PDXP: variants seen among roughly 807,000 people sequenced by gnomAD.
PDXP encodes pyridoxal phosphatase, also known as chronophin.
A neutral mutation model predicts 14.4 loss-of-function variants in PDXP; 15 were observed. The ratio of observed to expected loss-of-function variants is 1.04; its 90% confidence interval spans 0.70 to 1.60. The LOEUF (loss-of-function observed/expected upper bound fraction) is 1.60. Among genes scored for constraint, PDXP ranks in the 40% most tolerant of loss-of-function variants. PDXP has a pLI of 0.00. For synonymous variants in PDXP, 233 were observed against 205.6 expected, an observed-to-expected ratio of 1.13 and a Z score of -1.14; for missense variants, 413 against 427.6, an observed-to-expected ratio of 0.97 and a Z score of 0.30.
In PDXP at chr22:37,658,791, C is replaced by T. The variant is rs1467930526; in HGVS notation, c.9C>T (p.Arg3=). Residue 3 remains arginine (R), a synonymous_variant, in exon 1 of 2, where the codon CGC becomes CGT. Coordinates refer to ENST00000215904, the MANE Select transcript of PDXP (RefSeq NM_020315.5). The part of the protein sequence containing the change: MA[R]CERLRGAALR... ...GGCGGCCGGCCGGCTGCATGGCGCG[C>T]TGCGAGAGGCTGCGCGGAGCGGCCC... The T allele has an allele frequency of 1.7e-6, 2 of 1,174,094 alleles. No homozygotes were observed. Among genetic ancestry groups the T allele is most frequent in the South Asian group, 4.2e-5 (1 of 23,888 alleles). 72.7% of individuals were successfully genotyped at this position (1,174,094 alleles called of 1,614,324 possible). A position where few individuals can be genotyped will look rare whatever the true frequency, so the allele number is the denominator to read the frequency against.
rs750598426 is a variant in PDXP, at chr22:37,665,552, C to T, written c.575-3C>T. 3 of 1,599,388 alleles carry T rather than the reference C, an allele frequency of 1.9e-6. No individual in the cohort carries two copies. Among genetic ancestry groups the T allele is most frequent in the South Asian group, 1.1e-5 (1 of 90,132 alleles). On this transcript the variant is annotated splice_polypyrimidine_tract_variant and splice_region_variant and intron_variant, in intron 1 of 1. Transcript: ENST00000215904. Reference sequence around the variant, plus strand: ...TGCTGACTGCGTCTCCATCTCCCTACAGGCACCGGGAGCCTGGCCGCTGCA... The same window carrying T: ...TGCTGACTGCGTCTCCATCTCCCTATAGGCACCGGGAGCCTGGCCGCTGCA...
At chr22:37,662,950 T>C (rs535388763) in intron 1 of PDXP, among the ~76,000 whole-genome samples, 287 of 151,506 alleles carry the variant, frequency 1.9e-3, no homozygotes, top group Middle Eastern at 3.4e-3. Flanking sequence ...ATCGCTCCAT[T>C]GCACTCCAGC....
chr22:37,659,233 G>A lies in PDXP; in HGVS notation c.451G>A (p.Asp151Asn). ...CGTGCGCGCCGTGCTTGTGGGCTAC[G>A]ACGAGCACTTCTCCTTCGCCAAGCT... ...PRVRAVLVGY[D>N]EHFSFAKLRE... The change falls in exon 1 of 2, where the codon GAC becomes AAC. Residue 151 changes from aspartate to asparagine, a missense_variant. By Grantham distance (23) the Asp-to-Asn change is conservative (BLOSUM62 1). Coordinates refer to ENST00000215904, the MANE Select transcript of PDXP (RefSeq NM_020315.5). The A allele has an allele frequency of 3.0e-6, 4 of 1,320,404 alleles. 1 individual carries two copies. The highest frequency in any genetic ancestry group is 4.8e-5 in the South Asian group (2 of 41,994). 81.8% of individuals were successfully genotyped at this position (1,320,404 alleles called of 1,614,324 possible). A position where few individuals can be genotyped will look rare whatever the true frequency, so the allele number is the denominator to read the frequency against.
chr22:37,663,873 C>T (rs919428316), intron 1 of PDXP, among the ~76,000 whole-genome samples: 2 of 145,568 alleles, frequency 1.4e-5, no homozygotes, highest in African/African-American at 5.3e-5. Flanking sequence ...CAGGCTGGGC[C>T]TTTTATTTAT....
At position 37,658,733 on chromosome 22, in the gene PDXP, C is replaced by G; in HGVS notation, c.-50C>G. 9.1e-7 allele frequency: 1 copy of G among 1,095,406 alleles called. No individual in the cohort carries two copies. Among genetic ancestry groups the G allele is most frequent in the Non-Finnish European group, 1.1e-6 (1 of 887,240 alleles). The allele number at this position is 1,095,406 out of a possible 1,614,324, so 67.9% of individuals were successfully genotyped here. On this transcript the variant is annotated 5_prime_UTR_variant, in exon 1 of 2. Coordinates refer to ENST00000215904, the MANE Select transcript of PDXP (RefSeq NM_020315.5). ...GTGGAACGTGCCAGGGAGAGCGCGC[C>G]GTGCCCGCGGAGAGAGCGCGGCGCG...
At chr22:37,659,812 G>A (rs923349435) in intron 1 of PDXP, among the ~76,000 whole-genome samples, 9 of 152,212 alleles carry the variant, frequency 5.9e-5, no homozygotes, top group African/African-American at 1.9e-4. Flanking sequence ...TAACCTCCAA[G>A]CATCTCTGCC....
In PDXP at chr22:37,658,768, C is replaced by A; in HGVS notation, c.-15C>A. 7 of 1,160,066 alleles carry A rather than the reference C, an allele frequency of 6.0e-6. No individual in the cohort carries two copies. The highest frequency in any genetic ancestry group is 7.4e-6 in the Non-Finnish European group (7 of 941,632). 71.9% of individuals were successfully genotyped at this position (1,160,066 alleles called of 1,614,324 possible). A position where few individuals can be genotyped will look rare whatever the true frequency, so the allele number is the denominator to read the frequency against. ...GAGAGAGCGCGGCGCGGGAGGCCGG[C>A]GGCCGGCCGGCTGCATGGCGCGCTG... On this transcript the variant is annotated 5_prime_UTR_variant, in exon 1 of 2. Transcript: ENST00000215904.
chr22:37,659,177 A>G lies in PDXP; in HGVS notation c.395A>G (p.Asp132Gly), dbSNP rs1933147776. The G allele has an allele frequency of 9.4e-6, 11 of 1,170,994 alleles. No individual in the cohort carries two copies. The East Asian group carries it at 1.5e-4, about 16-fold the overall frequency. The allele number at this position is 1,170,994 out of a possible 1,614,324, so 72.5% of individuals were successfully genotyped here. The change falls in exon 1 of 2, where the codon GAC becomes GGC. Residue 132 changes from aspartate (D) to glycine (G), a missense_variant. Transcript: ENST00000215904. ...GCCGCGGGGCTGCGCCTGGCCGGGGACCCGAGCGCGGGGGACGGCGCGGCC... is the reference window on the plus strand; with the variant it reads ...GCCGCGGGGCTGCGCCTGGCCGGGGGCCCGAGCGCGGGGGACGGCGCGGCC... ...LRAAGLRLAGDPSAGDGAAPR... is the reference protein window; with the variant it reads ...LRAAGLRLAGGPSAGDGAAPR...
Position 37,666,038 on chromosome 22 carries a change from C to A in PDXP, c.*167C>A. On this transcript the variant is annotated 3_prime_UTR_variant, in exon 2 of 2. Transcript: ENST00000215904. ...GTTTGAGGGCCCTTGCAACCCCCTCCCAGCAGTGGCTGGGCACTCTTTGCT... is the reference window on the plus strand; with the variant it reads ...GTTTGAGGGCCCTTGCAACCCCCTCACAGCAGTGGCTGGGCACTCTTTGCT... 1.5e-6 allele frequency: 1 copy of A among 679,624 alleles called. No individual in the cohort carries two copies. Among genetic ancestry groups the A allele is most frequent in the African/African-American group, 1.8e-5 (1 of 55,226 alleles). 42.1% of individuals were successfully genotyped at this position (679,624 alleles called of 1,614,324 possible). A position where few individuals can be genotyped will look rare whatever the true frequency, so the allele number is the denominator to read the frequency against.
Position 37,666,295 on chromosome 22 carries a change from C to T in PDXP, c.*424C>T, listed in dbSNP as rs1322374861. 7.9e-6 allele frequency: 2 copies of T among 252,490 alleles called. No individual in the cohort carries two copies. The highest frequency in any genetic ancestry group is 1.7e-5 in the Non-Finnish European group (2 of 120,274). 15.6% of individuals were successfully genotyped at this position (252,490 alleles called of 1,614,324 possible). A position where few individuals can be genotyped will look rare whatever the true frequency, so the allele number is the denominator to read the frequency against. ...CAACCAGAGGTCTAGGGAACCACAA[C>T]CCTTATTGTCCTGGGTGGACCAATC... On this transcript the variant is annotated 3_prime_UTR_variant, in exon 2 of 2. Transcript: ENST00000215904.
In PDXP at chr22:37,665,964, G is replaced by A. The variant is rs1031483210; in HGVS notation, c.*93G>A. On this transcript the variant is annotated 3_prime_UTR_variant, in exon 2 of 2. Transcript: ENST00000215904. ...GTCACGAGCCATGTTAAGCACAACC[G>A]GCTCCTTGGTCCAGTTCTGCACCGG... The A allele has an allele frequency of 4.6e-5, 61 of 1,319,634 alleles. 1 individual carries two copies. The highest frequency in any genetic ancestry group is 1.8e-4 in the South Asian group (13 of 72,646). The allele number at this position is 1,319,634 out of a possible 1,614,324, so 81.7% of individuals were successfully genotyped here. A position where few individuals can be genotyped will look rare whatever the true frequency, so the allele number is the denominator to read the frequency against.
In PDXP at chr22:37,665,904, T is replaced by A; in HGVS notation, c.*33T>A. 6.3e-7 allele frequency: 1 copy of A among 1,583,538 alleles called. No individual in the cohort carries two copies. The highest frequency in any genetic ancestry group is 8.6e-7 in the Non-Finnish European group (1 of 1,157,514). ...GCACCTGCAGCCACAGGCCCACCCC[T>A]CCCCACTCCCTGATCCCGTAGGTGG... On this transcript the variant is annotated 3_prime_UTR_variant, in exon 2 of 2. Transcript: ENST00000215904.
Position 37,659,859 on chromosome 22 carries a change from C to T in PDXP, c.574+503C>T, listed in dbSNP as rs372178123. Among the ~76,000 whole-genome samples, 4 of 152,276 alleles carry T rather than the reference C, an allele frequency of 2.6e-5. No individual in the cohort carries two copies. The East Asian group carries it at 7.7e-4, about 29-fold the overall frequency. On this transcript the variant is annotated intron_variant, in intron 1 of 1. Coordinates refer to ENST00000215904, the MANE Select transcript of PDXP (RefSeq NM_020315.5). The stretch of plus-strand genomic sequence containing the variant: ...TGGCAGTGCTCAGCATGCCCGGTGA[C>T]GGTGATCAGGGTGAGTGCCTGGCAC...
At chr22:37,661,261 G>A (rs935597872) in intron 1 of PDXP, among the ~76,000 whole-genome samples, 2 of 151,362 alleles carry the variant, frequency 1.3e-5, no homozygotes, top group African/African-American at 2.4e-5. Flanking sequence ...TAGCCTAGAG[G>A]GGGAGGCAGA....
intron 1 of PDXP, among the ~76,000 whole-genome samples, chr22:37,664,397 A>G (rs16998427): frequency 0.025 from 3,834 of 152,248 alleles, 176 homozygotes; most frequent in African/African-American, 0.088. Flanking sequence ...ACCCAGCCAT[A>G]AAGTGACTCT....
chr22:37,661,931 T>TA (rs1933215198), intron 1 of PDXP, among the ~76,000 whole-genome samples: 7 of 20,088 alleles, frequency 3.5e-4, no homozygotes, highest in African/African-American at 1.0e-3. Context: ...TTTTTTTTTT[T>TA]TTTTTTTTTT....
chr22:37,666,144 C>T lies in PDXP; in HGVS notation c.*273C>T, dbSNP rs1921075936. The T allele has an allele frequency of 1.9e-6, 1 of 535,994 alleles. No individual in the cohort carries two copies. Among genetic ancestry groups the T allele is most frequent in the Non-Finnish European group, 3.4e-6 (1 of 290,632 alleles). 33.2% of individuals were successfully genotyped at this position (535,994 alleles called of 1,614,324 possible). ...TTATTTCTTCCCTGTCACCTCCCCT[C>T]CTTGAAATCTGGGCCCTGGTGCCTG... On this transcript the variant is annotated 3_prime_UTR_variant, in exon 2 of 2. Transcript: ENST00000215904.
rs1379009740 is a variant in PDXP, at chr22:37,658,729, G to C, written c.-54G>C. 3 of 1,082,990 alleles carry C rather than the reference G, an allele frequency of 2.8e-6. No individual in the cohort carries two copies. Among genetic ancestry groups the C allele is most frequent in the Non-Finnish European group, 3.4e-6 (3 of 876,556 alleles). 67.1% of individuals were successfully genotyped at this position (1,082,990 alleles called of 1,614,324 possible). ...CTGCGTGGAACGTGCCAGGGAGAGC[G>C]CGCCGTGCCCGCGGAGAGAGCGCGG... is the stretch of plus-strand genomic sequence containing the variant. On this transcript the variant is annotated 5_prime_UTR_variant, in exon 1 of 2. Transcript: ENST00000215904.
chr22:37,659,716 G>T (rs971975015), intron 1 of PDXP, among the ~76,000 whole-genome samples: 10 of 152,200 alleles, frequency 6.6e-5, no homozygotes, highest in Non-Finnish European at 1.5e-4. Flanking sequence ...GTGTAGGCAG[G>T]TGTGTGGGGA....
Sources: gnomAD v4.1 joint callset for allele counts (sites outside exome capture counted in the v4.1 genomes callset) on GRCh38, gnomAD v4.1.1 for gene constraint, MANE v1.5 for transcripts, NCBI Gene and HGNC (gene_info 2026-07-23, HGNC 2026-07-21) for gene names.